Variants in ADORA1 observed in about 807,000 individuals in gnomAD.
The protein encoded by ADORA1 is adenosine A1 receptor, also known as adenosine receptor A1.
In ADORA1, 6 loss-of-function variants were observed where a neutral mutation model predicts 19.9. The ratio of observed to expected loss-of-function variants is 0.30; its 90% CI spans 0.17 to 0.59. ADORA1 has a LOEUF of 0.59. ADORA1 is among the 20% of genes least tolerant of loss of function. The pLI, the probability that ADORA1 is intolerant of heterozygous loss-of-function variation, is 0.87. For missense variants in ADORA1, 302 were observed against 439.2 expected (o/e 0.69, Z 2.79); for synonymous variants, 194 against 188.4 (o/e 1.03, Z -0.24).
intron 3 of ADORA1, among the ~76,000 whole-genome samples, chr1:203,136,418 A>G (rs548344669): frequency 6.6e-6 from 1 of 152,254 alleles, no homozygotes; most frequent in African/African-American, 2.4e-5. Context: ...CCCCAGCAGA[A>G]CTGCAGAGAG....
At chr1:203,150,276 TG>T (rs1318404807) in intron 3 of ADORA1, among the ~76,000 whole-genome samples, 1 of 152,230 alleles carries the variant, frequency 6.6e-6, no homozygotes, top group African/African-American at 2.4e-5. Context: ...AAGCCATCCC[TG>T]GAGCTGGGGC....
chr1:203,157,654 C>T (rs1655238148), intron 3 of ADORA1, among the ~76,000 whole-genome samples: 1 of 152,212 alleles, frequency 6.6e-6, no homozygotes, highest in Admixed American at 6.5e-5. Flanking sequence ...CCATGATATC[C>T]TTTGAAATCT....
intron 3 of ADORA1, among the ~76,000 whole-genome samples, chr1:203,148,508 C>T: frequency 6.6e-6 from 1 of 152,208 alleles, no homozygotes; most frequent in Non-Finnish European, 1.5e-5. Flanking sequence ...GATCCCAATC[C>T]AGGTCCTCTA....
chr1:203,167,159 G>A lies in ADORA1; in HGVS notation c.*1259G>A, dbSNP rs942418080. ...CCCTGTGTTGGGGGGCAAGGTGGGG[G>A]AGCCTGGAGCCCCTGTGTGGGAGGG... On this transcript the variant is annotated 3_prime_UTR_variant, in exon 4 of 4. Transcript: ENST00000337894. The A allele has an allele frequency of 4.0e-5, 6 of 150,662 alleles. No individual in the cohort carries two copies. The highest frequency in any genetic ancestry group is 1.5e-4 in the African/African-American group (6 of 39,528). 9.3% of individuals were successfully genotyped at this position (150,662 alleles called of 1,614,324 possible).
At chr1:203,143,192 C>T (rs1654749376) in intron 3 of ADORA1, among the ~76,000 whole-genome samples, 1 of 152,120 alleles carries the variant, frequency 6.6e-6, no homozygotes, top group Non-Finnish European at 1.5e-5. Flanking sequence ...CTGGGAAGTC[C>T]AAGAGCACAG....
chr1:203,140,716 C>G (rs1654654520), intron 3 of ADORA1, among the ~76,000 whole-genome samples: 1 of 152,230 alleles, frequency 6.6e-6, no homozygotes, highest in African/African-American at 2.4e-5. Flanking sequence ...ATTGCTTTCT[C>G]AGGCTGGGAC....
chr1:203,165,147 C>A lies in ADORA1; in HGVS notation c.342-114C>A. 6.4e-7 allele frequency: 1 copy of A among 1,573,814 alleles called. No homozygotes were observed. The highest frequency in any genetic ancestry group is 8.6e-7 in the Non-Finnish European group (1 of 1,160,054). The stretch of plus-strand genomic sequence containing the variant: ...ACATGCACCTCCCCACTCACCGGGC[C>A]CTGGAAGAGGAGGGTGCTCCTCTTA... On this transcript the variant is annotated intron_variant, in intron 3 of 3. Transcript: ENST00000337894. The surrounding 1 kb of genome is among the most constrained non-coding windows in gnomAD (Gnocchi z 5.9).
intron 3 of ADORA1, among the ~76,000 whole-genome samples, chr1:203,134,832 T>C (rs982087749): frequency 4.6e-5 from 7 of 152,236 alleles, no homozygotes; most frequent in African/African-American, 1.7e-4. Context: ...TTTTTACATA[T>C]TGAGAACATC....
chr1:203,128,908 T>C lies in ADORA1; in HGVS notation c.67T>C (p.Ser23Pro). 1 of 1,613,678 alleles carries C rather than the reference T, an allele frequency of 6.2e-7. No individual in the cohort carries two copies. Among genetic ancestry groups the C allele is most frequent in the Non-Finnish European group, 8.5e-7 (1 of 1,180,024 alleles). Residue 23 changes from serine (S) to proline (P), a missense_variant, in exon 3 of 4, where the codon TCT becomes CCT. Transcript: ENST00000337894. The surrounding 1 kb of genome is among the most constrained non-coding windows in gnomAD (Gnocchi z 5.9). ...IGIEVLIALV[S>P]VPGNVLVIWA... ...CATCGAGGTGCTCATCGCCCTGGTC[T>C]CTGTGCCCGGGAACGTGCTGGTGAT...
In ADORA1 at chr1:203,140,584, G is replaced by T. The variant is rs369617366; in HGVS notation, c.341+11402G>T. Reference sequence around the variant, plus strand: ...CCTCCCCTGGTGTGGTCAGGAGGAGGGGCTCTCTCTTACCTCACACAGCCT... The same window carrying T: ...CCTCCCCTGGTGTGGTCAGGAGGAGTGGCTCTCTCTTACCTCACACAGCCT... On this transcript the variant is annotated intron_variant, in intron 3 of 3. Coordinates refer to ENST00000337894, the MANE Select transcript of ADORA1 (RefSeq NM_000674.3). Among the ~76,000 whole-genome samples, 21 of 152,202 alleles carry T rather than the reference G, an allele frequency of 1.4e-4. No homozygotes were observed. In the East Asian group the frequency reaches 3.3e-3, roughly 24 times the overall value.
At chr1:203,148,670 T>C (rs1452524926) in intron 3 of ADORA1, among the ~76,000 whole-genome samples, 8 of 152,148 alleles carry the variant, frequency 5.3e-5, no homozygotes, top group Non-Finnish European at 1.2e-4. Flanking sequence ...GTTTGTGGAA[T>C]TGGAAGTTGG....
intron 3 of ADORA1, among the ~76,000 whole-genome samples, chr1:203,152,381 C>A (rs564521839): frequency 6.6e-6 from 1 of 152,360 alleles, no homozygotes; most frequent in East Asian, 1.9e-4. Context: ...CTCTGCTGTT[C>A]TCCTAAGAGG....
At chr1:203,161,634 C>T (rs1351917466) in intron 3 of ADORA1, among the ~76,000 whole-genome samples, 5 of 150,634 alleles carry the variant, frequency 3.3e-5, no homozygotes, top group Non-Finnish European at 5.9e-5. Flanking sequence ...TGCAATGGCG[C>T]GATCTTGGCT....
intron 3 of ADORA1, among the ~76,000 whole-genome samples, chr1:203,134,624 G>A (rs886152932): frequency 1.4e-4 from 21 of 152,150 alleles, no homozygotes; most frequent in African/African-American, 5.1e-4. Context: ...TTACCCAGAG[G>A]CAGATCTGTA....
chr1:203,128,434 T>G lies in ADORA1; in HGVS notation c.-58+2T>G. On this transcript the variant is annotated splice_donor_variant, in intron 2 of 3. Transcript: ENST00000337894. LOFTEE classifies it low-confidence loss of function (5UTR_SPLICE). The surrounding 1 kb of genome is among the most constrained non-coding windows in gnomAD (Gnocchi z 5.9). The stretch of plus-strand genomic sequence containing the variant: ...CCCTGCCGGCCAGCAGGCAGGATGG[T>G]GAGCTCCCTGCATCCTGTTCTGTGC... The G allele has an allele frequency of 7.7e-7, 1 of 1,293,228 alleles. No individual in the cohort carries two copies. The highest frequency in any genetic ancestry group is 1.0e-6 in the Non-Finnish European group (1 of 991,382). 80.1% of individuals were successfully genotyped at this position (1,293,228 alleles called of 1,614,324 possible). A position where few individuals can be genotyped will look rare whatever the true frequency, so the allele number is the denominator to read the frequency against.
chr1:203,141,713 T>G (rs1010865584), intron 3 of ADORA1, among the ~76,000 whole-genome samples: 1 of 151,422 alleles, frequency 6.6e-6, no homozygotes, highest in African/African-American at 2.4e-5. Context: ...CTCGAGTAGC[T>G]GGAACTATAG....
Position 203,166,181 on chromosome 1 carries a change from C to G in ADORA1, c.*281C>G, listed in dbSNP as rs1054795712. On this transcript the variant is annotated 3_prime_UTR_variant, in exon 4 of 4. Transcript: ENST00000337894. Reference sequence around the variant, plus strand: ...TCTGAGCCCCCACCTGCCTGACCATCCCATGAGCAGTCCAGAGCTTCAGGG... The same window carrying G: ...TCTGAGCCCCCACCTGCCTGACCATGCCATGAGCAGTCCAGAGCTTCAGGG... The G allele has an allele frequency of 2.9e-6, 1 of 350,330 alleles. No individual in the cohort carries two copies. 21.7% of individuals were successfully genotyped at this position (350,330 alleles called of 1,614,324 possible).
chr1:203,157,799 T>C (rs1016332952), intron 3 of ADORA1, among the ~76,000 whole-genome samples: 2 of 152,214 alleles, frequency 1.3e-5, no homozygotes, highest in African/African-American at 4.8e-5. Flanking sequence ...TGGGCCTGCT[T>C]GAGCCATGGC....
chr1:203,128,507 CTG>C lies in ADORA1; in HGVS notation c.-58+82_-58+83del. On this transcript the variant is annotated intron_variant, in intron 2 of 3. Coordinates refer to ENST00000337894, the MANE Select transcript of ADORA1 (RefSeq NM_000674.3). This position sits in a 1 kb window ranked among gnomAD's most constrained non-coding sequence, Gnocchi z 5.9. Reference sequence around the variant, plus strand: ...ATGGGAGACCCCTCTGTGCGTGTGTCTGTGTGTGCGCGCGCGCTGGGAGCTGC... The same window carrying C: ...ATGGGAGACCCCTCTGTGCGTGTGTCTGTGTGCGCGCGCGCTGGGAGCTGC... 3 of 1,135,128 alleles carry C rather than the reference CTG, an allele frequency of 2.6e-6. No individual in the cohort carries two copies. Among genetic ancestry groups the C allele is most frequent in the Non-Finnish European group, 3.5e-6 (3 of 855,672 alleles). 70.3% of individuals were successfully genotyped at this position (1,135,128 alleles called of 1,614,324 possible).
Sources: gnomAD v4.1 joint callset for allele counts (sites outside exome capture counted in the v4.1 genomes callset) on GRCh38, gnomAD v4.1.1 for gene constraint, Gnocchi (gnomAD v3.1) non-coding constraint, MANE v1.5 for transcripts, NCBI Gene and HGNC (gene_info 2026-07-23, HGNC 2026-07-21) for gene names.